Variants in NPAS3 observed in about 807,000 individuals in gnomAD.
NPAS3 encodes the protein neuronal PAS domain-containing protein 3.
NPAS3 carries 14 observed loss-of-function variants against 73.1 expected under a neutral mutation model. That is an observed-to-expected ratio of 0.19 (90% confidence interval 0.13 to 0.30). The LOEUF is 0.30. NPAS3 is among the 10% of genes least tolerant of loss of function. The probability of loss-of-function intolerance (pLI) is 1.00; values close to 1 mark genes in which losing one functional copy is unlikely to be tolerated. For synonymous variants in NPAS3, 620 were observed against 541.5 expected (o/e 1.14, Z -2.01); for missense variants, 1,096 against 1,250.0 (o/e 0.88, Z 1.86).
At chr14:33,026,905 A>C (rs187856681) in intron 1 of NPAS3, among the ~76,000 whole-genome samples, 1 of 152,014 alleles carries the variant, frequency 6.6e-6, no homozygotes, top group African/African-American at 2.4e-5. Context: ...TCCCCCTGTT[A>C]CATTGAAGCT....
chr14:33,590,868 A>T (rs1192486673), intron 5 of NPAS3, among the ~76,000 whole-genome samples: 2 of 152,164 alleles, frequency 1.3e-5, no homozygotes, highest in Non-Finnish European at 2.9e-5. Flanking sequence ...TTCCAAAAAG[A>T]TTTATTAAGC....
intron 2 of NPAS3, among the ~76,000 whole-genome samples, chr14:33,187,076 A>T (rs1357520417): frequency 6.6e-6 from 1 of 152,194 alleles, no homozygotes; most frequent in African/African-American, 2.4e-5. Flanking sequence ...ACACCCTTTG[A>T]ACTGGTCTTC....
intron 6 of NPAS3, among the ~76,000 whole-genome samples, chr14:33,702,715 G>A (rs2060554716): frequency 1.3e-5 from 2 of 152,284 alleles, no homozygotes; most frequent in Middle Eastern, 6.8e-3. Flanking sequence ...GAAGGGGAGA[G>A]GGTGGGAGGG....
chr14:33,263,523 C>A (rs1348178873), intron 3 of NPAS3, among the ~76,000 whole-genome samples: 1 of 152,148 alleles, frequency 6.6e-6, no homozygotes. Flanking sequence ...GTTACTGTAG[C>A]CTTGTAGTAT....
At chr14:33,577,614 T>C (rs1178392587) in intron 5 of NPAS3, among the ~76,000 whole-genome samples, 4 of 152,198 alleles carry the variant, frequency 2.6e-5, no homozygotes, top group Non-Finnish European at 4.4e-5. Context: ...TCCCATGCCC[T>C]TCTTTTTCAG....
At chr14:33,295,536 G>A (rs894885758) in intron 3 of NPAS3, among the ~76,000 whole-genome samples, 1 of 152,128 alleles carries the variant, frequency 6.6e-6, no homozygotes, top group African/African-American at 2.4e-5. Flanking sequence ...TTATACACAA[G>A]GAAGAGCTGC....
intron 4 of NPAS3, among the ~76,000 whole-genome samples, chr14:33,388,996 G>T (rs1189513751): frequency 1.3e-5 from 2 of 152,174 alleles, no homozygotes; most frequent in East Asian, 3.9e-4. Context: ...CACCTTTGTG[G>T]CGTGCACTAC....
intron 4 of NPAS3, among the ~76,000 whole-genome samples, chr14:33,396,980 G>A (rs769425742): frequency 6.6e-6 from 1 of 152,004 alleles, no homozygotes; most frequent in African/African-American, 2.4e-5. Context: ...TGTGTCATAT[G>A]ATATAGACAC....
Position 33,775,486 on chromosome 14 carries a change from A to C in NPAS3, c.1046+956A>C, listed in dbSNP as rs184115707. Among the ~76,000 whole-genome samples the C allele has an allele frequency of 6.7e-4, 102 of 152,282 alleles. 1 individual carries two copies. The highest frequency in any genetic ancestry group is 1.3e-3 in the Non-Finnish European group (90 of 68,022). On this transcript the variant is annotated intron_variant, in intron 8 of 11. Transcript: ENST00000356141. ...TGGGGAACTGACCTCTCCAGAGACT[A>C]ACCAAGAAGATAGCCCCTGCATTCA...
At chr14:33,578,448 C>T (rs139012959) in intron 5 of NPAS3, 4,774 of 344,498 alleles carry the variant, frequency 0.014, 45 homozygotes, top group Non-Finnish European at 0.021. Context: ...CCCGCCTCAG[C>T]CTCCCAAAGT....
chr14:33,106,326 C>T (rs1005064375), intron 2 of NPAS3, among the ~76,000 whole-genome samples: 9 of 152,274 alleles, frequency 5.9e-5, no homozygotes, highest in African/African-American at 1.9e-4. Context: ...AATATAGTAG[C>T]AGCAATTCAA....
chr14:33,384,385 G>C (rs796430801), intron 4 of NPAS3, among the ~76,000 whole-genome samples: 2 of 150,526 alleles, frequency 1.3e-5, no homozygotes, highest in East Asian at 2.0e-4. Flanking sequence ...TAATGTTTCT[G>C]TGTGTGTGTG....
intron 5 of NPAS3, among the ~76,000 whole-genome samples, chr14:33,634,416 T>A (rs2058459714): frequency 6.6e-6 from 1 of 152,110 alleles, no homozygotes; most frequent in South Asian, 2.1e-4. Flanking sequence ...CAAGTGACAT[T>A]TAAGGAAGAT....
At chr14:33,272,235 G>A (rs867854671) in intron 3 of NPAS3, among the ~76,000 whole-genome samples, 9 of 152,056 alleles carry the variant, frequency 5.9e-5, no homozygotes, top group East Asian at 3.9e-4. Flanking sequence ...AGACTCAGTC[G>A]CTGTACATTT....
chr14:33,116,486 A>G (rs544422975), intron 2 of NPAS3, among the ~76,000 whole-genome samples: 1 of 152,154 alleles, frequency 6.6e-6, no homozygotes, highest in African/African-American at 2.4e-5. Context: ...GATAGACTGC[A>G]TATGCATTTC....
intron 3 of NPAS3, among the ~76,000 whole-genome samples, chr14:33,288,176 GGTCTGCCAA>G (rs1453007723): frequency 6.6e-6 from 1 of 152,154 alleles, no homozygotes; most frequent in Non-Finnish European, 1.5e-5. Flanking sequence ...GGGAGGGCCA[GGTCTGCCAA>G]GTCCAGGAGT....
At chr14:33,356,189 G>T (rs948303220) in intron 3 of NPAS3, among the ~76,000 whole-genome samples, 3 of 152,240 alleles carry the variant, frequency 2.0e-5, no homozygotes, top group Admixed American at 6.5e-5. Context: ...GAAGAGACCA[G>T]TGGCTTCCTG....
intron 3 of NPAS3, among the ~76,000 whole-genome samples, chr14:33,366,868 T>C (rs1021830134): frequency 6.6e-5 from 10 of 152,298 alleles, no homozygotes; most frequent in African/African-American, 2.4e-4. Flanking sequence ...AGAAAAATGG[T>C]GTACTAATTT....
intron 7 of NPAS3, among the ~76,000 whole-genome samples, chr14:33,772,364 C>T (rs1882154888): frequency 6.6e-6 from 1 of 152,172 alleles, no homozygotes; most frequent in South Asian, 2.1e-4. Context: ...ACTTTGGCCC[C>T]CTTCAGTACC....
Sources: gnomAD v4.1 joint callset for allele counts (sites outside exome capture counted in the v4.1 genomes callset) on GRCh38, gnomAD v4.1.1 for gene constraint, MANE v1.5 for transcripts, NCBI Gene and HGNC (gene_info 2026-07-23, HGNC 2026-07-21) for gene names.